RANBP3L: variants seen among roughly 807,000 people sequenced by gnomAD.
RANBP3L encodes ran-binding protein 3-like.
Under a neutral mutation model 67.2 loss-of-function variants are expected in RANBP3L, and 56 were observed. The observed-to-expected ratio is 0.83, with a 90% confidence interval of 0.67 to 1.04. The LOEUF is 1.04. RANBP3L is among the 50% of genes least tolerant of loss of function. RANBP3L has a pLI of 0.00. For synonymous variants in RANBP3L, 164 were observed against 181.4 expected, an observed-to-expected ratio of 0.90 and a Z score of 0.77; for missense variants, 496 against 535.5, an observed-to-expected ratio of 0.93 and a Z score of 0.73.
intron 4 of RANBP3L, among the ~76,000 whole-genome samples, chr5:36,268,852 G>T (rs1750001280): frequency 6.6e-6 from 1 of 151,962 alleles, no homozygotes. Flanking sequence ...GGGACTAGAG[G>T]CACCTGCCAC....
chr5:36,266,939 C>T (rs1749838347), intron 4 of RANBP3L, among the ~76,000 whole-genome samples: 1 of 152,042 alleles, frequency 6.6e-6, no homozygotes, highest in African/African-American at 2.4e-5. Context: ...GTATTTTTAG[C>T]AGAGACCAGG....
intron 12 of RANBP3L, among the ~76,000 whole-genome samples, 156 bp from the exon 13 acceptor site, chr5:36,251,655 G>A (rs572675938): frequency 4.6e-5 from 7 of 152,022 alleles, no homozygotes; most frequent in Admixed American, 1.3e-4. Context: ...GCAGTAAAAA[G>A]ACAATCTTGA....
chr5:36,288,667 TG>T (rs1751495526), intron 1 of RANBP3L, among the ~76,000 whole-genome samples: 2 of 152,166 alleles, frequency 1.3e-5, no homozygotes, highest in South Asian at 4.1e-4. Context: ...GCCATTCTAG[TG>T]GATGTAAAGT....
intron 1 of RANBP3L, among the ~76,000 whole-genome samples, chr5:36,285,332 A>G (rs1371224807): frequency 6.6e-6 from 1 of 152,222 alleles, no homozygotes; most frequent in Non-Finnish European, 1.5e-5. Flanking sequence ...AGTGGAACTT[A>G]TCATCTAAGG....
intron 13 of RANBP3L, among the ~76,000 whole-genome samples, chr5:36,250,312 CT>C (rs1181460799): frequency 6.6e-6 from 1 of 151,688 alleles, no homozygotes; most frequent in East Asian, 1.9e-4. Context: ...AATAGATTTG[CT>C]TAAAGTAGCA....
intron 1 of RANBP3L, among the ~76,000 whole-genome samples, chr5:36,275,908 A>C (rs1750535799): frequency 2.0e-5 from 3 of 152,182 alleles, no homozygotes; most frequent in Non-Finnish European, 4.4e-5. Flanking sequence ...TCATAAAACC[A>C]TTTGATTCTT....
At position 36,249,669 on chromosome 5, in the gene RANBP3L, C is replaced by T. The variant is rs375861568; in HGVS notation, c.1383G>A (p.Ser461=). Residue 461 remains serine, a synonymous_variant, in exon 14 of 14, where the codon TCG becomes TCA. Coordinates refer to ENST00000296604, the MANE Select transcript of RANBP3L (RefSeq NM_145000.5). ...SDPSSWTHRQ[S]VACS ...TAGGTAGTATTCATGAACAGGCAACCGACTGTCTGTGAGTCCAACTAGAAG... is the reference window on the plus strand; with the variant it reads ...TAGGTAGTATTCATGAACAGGCAACTGACTGTCTGTGAGTCCAACTAGAAG... 59 of 1,556,284 alleles carry T rather than the reference C, an allele frequency of 3.8e-5. No individual in the cohort carries two copies. The South Asian group carries it at 6.0e-4, about 16-fold the overall frequency.
At position 36,265,446 on chromosome 5, in the gene RANBP3L, T is replaced by C; in HGVS notation, c.340+3A>G. On this transcript the variant is annotated splice_donor_region_variant and intron_variant, in intron 5 of 13. Coordinates refer to ENST00000296604, the MANE Select transcript of RANBP3L (RefSeq NM_145000.5). ...TGAGGTTCTTGAAATAGAAGCTACA[T>C]ACCTTGTTCAGCACTCTTTATATCA... is the stretch of plus-strand genomic sequence containing the variant. 6.4e-7 allele frequency: 1 copy of C among 1,571,212 alleles called. No individual in the cohort carries two copies.
intron 8 of RANBP3L, 147 bp downstream of exon 8, chr5:36,260,633 C>A (rs1749313153): frequency 1.9e-6 from 1 of 526,740 alleles, no homozygotes; most frequent in Non-Finnish European, 3.4e-6. Flanking sequence ...CCAGGAGAAT[C>A]TTTCCAGTTA....
chr5:36,263,465 G>A (rs1462894548), intron 6 of RANBP3L, among the ~76,000 whole-genome samples: 3 of 152,156 alleles, frequency 2.0e-5, no homozygotes, highest in Non-Finnish European at 4.4e-5. Context: ...TATAGTGCAT[G>A]CCATTTTAAA....
chr5:36,265,490 G>T lies in RANBP3L; in HGVS notation c.299C>A (p.Ala100Asp). 6.2e-7 allele frequency: 1 copy of T among 1,605,538 alleles called. No homozygotes were observed. Among genetic ancestry groups the T allele is most frequent in the Non-Finnish European group, 8.5e-7 (1 of 1,173,808 alleles). ...TATATCAACACTACTTTGCACAAGA[G>T]CTGATGTCATAAAAACATTGTTTTT... is the stretch of plus-strand genomic sequence containing the variant. Reference protein sequence around the residue: ...VRKNNVFMTSALVQSSVDIKS... With the variant: ...VRKNNVFMTSDLVQSSVDIKS... Residue 100 changes from alanine (A) to aspartate (D), a missense_variant, in exon 5 of 14, where the codon GCT becomes GAT. Ala to Asp is a moderately radical substitution (Grantham distance 126). Coordinates refer to ENST00000296604, the MANE Select transcript of RANBP3L (RefSeq NM_145000.5).
intron 13 of RANBP3L, 130 bp downstream of exon 13, chr5:36,251,183 A>G: frequency 1.0e-5 from 7 of 683,294 alleles, no homozygotes; most frequent in Non-Finnish European, 1.6e-5. Flanking sequence ...GATCCAAACA[A>G]CTAAGGCTCT....
chr5:36,268,167 T>C, intron 4 of RANBP3L: 2 of 1,436,534 alleles, frequency 1.4e-6, no homozygotes, highest in Non-Finnish European at 1.9e-6. Flanking sequence ...AGTGTCAGGC[T>C]TGAGGTTCTA....
chr5:36,300,183 C>T (rs1752517967), intron 1 of RANBP3L, among the ~76,000 whole-genome samples: 1 of 152,176 alleles, frequency 6.6e-6, no homozygotes, highest in Non-Finnish European at 1.5e-5. Flanking sequence ...TTTTACAGTG[C>T]TATGCCTTAA....
intron 1 of RANBP3L, among the ~76,000 whole-genome samples, chr5:36,290,222 A>G (rs376127596): frequency 1.6e-5 from 1 of 63,138 alleles, no homozygotes; most frequent in Non-Finnish European, 3.1e-5. Flanking sequence ...TCTCTGTCTC[A>G]CCTTTTTTTT....
intron 1 of RANBP3L, among the ~76,000 whole-genome samples, chr5:36,291,582 A>T (rs1041361375): frequency 5.3e-5 from 8 of 151,614 alleles, no homozygotes; most frequent in African/African-American, 1.9e-4. Context: ...CCAGAGTGTG[A>T]TGTTCCCCTT....
intron 1 of RANBP3L, among the ~76,000 whole-genome samples, chr5:36,291,180 AC>A (rs1367347136): frequency 6.6e-6 from 1 of 151,904 alleles, no homozygotes; most frequent in African/African-American, 2.4e-5. Flanking sequence ...ATCTTGCAAA[AC>A]TGAAACCCTG....
At chr5:36,270,814 G>T (rs1165432339) in intron 2 of RANBP3L, among the ~76,000 whole-genome samples, 1 of 152,264 alleles carries the variant, frequency 6.6e-6, no homozygotes, top group South Asian at 2.1e-4. Flanking sequence ...CTTACTGTTA[G>T]TCTTTCAAAA....
At position 36,301,834 on chromosome 5, in the gene RANBP3L, C is replaced by CAAAGAAAAGAA. The variant is rs930647129; in HGVS notation, c.-429_-419dup. On this transcript the variant is annotated 5_prime_UTR_variant, in exon 1 of 14. Coordinates refer to ENST00000296604, the MANE Select transcript of RANBP3L (RefSeq NM_145000.5). ...GAAGGCTGCTAAAATAATACAGACA[C>CAAAGAAAAGAA]AAAGAAAAGAAAAAGTGCTGCTGAG... 2.5e-5 allele frequency: 4 copies of CAAAGAAAAGAA among 160,236 alleles called. No individual in the cohort carries two copies. In the South Asian group the frequency reaches 5.4e-4, roughly 22 times the overall value. 9.9% of individuals were successfully genotyped at this position (160,236 alleles called of 1,614,324 possible). A position where few individuals can be genotyped will look rare whatever the true frequency, so the allele number is the denominator to read the frequency against.
Sources: gnomAD v4.1 joint callset for allele counts (sites outside exome capture counted in the v4.1 genomes callset) on GRCh38, gnomAD v4.1.1 for gene constraint, MANE v1.5 for transcripts, NCBI Gene and HGNC (gene_info 2026-07-23, HGNC 2026-07-21) for gene names.